ZAP70: variants seen among roughly 807,000 people sequenced by gnomAD.
ZAP70 encodes zeta chain of T cell receptor associated protein kinase 70, also known as tyrosine-protein kinase ZAP-70.
In ZAP70, 27 loss-of-function variants were observed where a neutral mutation model predicts 65.8. The ratio of observed to expected loss-of-function variants is 0.41; its 90% confidence interval spans 0.30 to 0.57. ZAP70 has a LOEUF of 0.57. ZAP70 is among the 20% of genes least tolerant of loss of function. The probability of loss-of-function intolerance (pLI) is 0.28; values close to 1 mark genes in which losing one functional copy is unlikely to be tolerated. For synonymous variants in ZAP70, 363 were observed against 360.8 expected, an observed-to-expected ratio of 1.01 and a Z score of -0.07; for missense variants, 696 against 870.5, an observed-to-expected ratio of 0.80 and a Z score of 2.52.
At position 97,724,361 on chromosome 2, in the gene ZAP70, G is replaced by A. The variant is rs559342309; in HGVS notation, c.325G>A (p.Glu109Lys). 3.2e-6 allele frequency: 5 copies of A among 1,549,170 alleles called. No individual in the cohort carries two copies. Among genetic ancestry groups the A allele is most frequent in the African/African-American group, 2.7e-5 (2 of 73,946 alleles). The change falls in exon 3 of 14, where the codon GAG becomes AAG. Residue 109 changes from glutamate (E) to lysine (K), a missense_variant. Glu to Lys is a moderately conservative substitution (Grantham distance 56). Coordinates refer to ENST00000264972, the MANE Select transcript of ZAP70 (RefSeq NM_001079.4). ...GCCGTGCAACCGGCCGTCGGGCCTC[G>A]AGCCGCAGCCGGGGGTCTTCGACTG... ...RKPCNRPSGL[E>K]PQPGVFDCLR...
intron 4 of ZAP70, among the ~76,000 whole-genome samples, chr2:97,726,593 C>T (rs1214832564): frequency 6.6e-6 from 1 of 152,272 alleles, no homozygotes; most frequent in African/African-American, 2.4e-5. Context: ...TGATTTTCCT[C>T]ACCCATGTGA....
chr2:97,722,873 T>A (rs1677214380), intron 2 of ZAP70, among the ~76,000 whole-genome samples: 1 of 152,230 alleles, frequency 6.6e-6, no homozygotes, highest in Non-Finnish European at 1.5e-5. Context: ...TCAGTTCCCA[T>A]CACTCCTAAA....
At chr2:97,733,698 C>T in intron 8 of ZAP70, 103 bp downstream of exon 8, 1 of 1,464,840 alleles carries the variant, frequency 6.8e-7, no homozygotes, top group Non-Finnish European at 9.5e-7. Flanking sequence ...GTGGGCCGGG[C>T]CAGGCTGTGG....
chr2:97,731,988 G>A lies in ZAP70; in HGVS notation c.564-895G>A, dbSNP rs1267180935. On this transcript the variant is annotated intron_variant, in intron 4 of 13. Transcript: ENST00000264972. This position sits in a 1 kb window ranked among gnomAD's most constrained non-coding sequence, Gnocchi z 4.0. Reference sequence around the variant, plus strand: ...CAGTGACCCCAGACAAAACTGTTGTGTGGGGGATGCTGACTGGTGTCACTG... The same window carrying A: ...CAGTGACCCCAGACAAAACTGTTGTATGGGGGATGCTGACTGGTGTCACTG... Among the ~76,000 whole-genome samples, 1 of 152,190 alleles carries A rather than the reference G, an allele frequency of 6.6e-6. No individual in the cohort carries two copies. The highest frequency in any genetic ancestry group is 2.4e-5 in the African/African-American group (1 of 41,438).
chr2:97,722,079 G>A (rs989375145), intron 2 of ZAP70, among the ~76,000 whole-genome samples: 1 of 151,222 alleles, frequency 6.6e-6, no homozygotes, highest in Non-Finnish European at 1.5e-5. Context: ...CACCACGCTC[G>A]GCCTATTTTA....
chr2:97,724,851 T>C (rs931768350), intron 3 of ZAP70: 85 of 1,522,320 alleles, frequency 5.6e-5, no homozygotes, highest in Non-Finnish European at 7.0e-5. Flanking sequence ...ACTACCTGAA[T>C]TAGGTCTTCA....
intron 2 of ZAP70, among the ~76,000 whole-genome samples, chr2:97,717,141 C>T (rs1008464603): frequency 2.0e-4 from 30 of 152,164 alleles, no homozygotes; most frequent in Non-Finnish European, 4.3e-4. Flanking sequence ...GGCCCGAGCA[C>T]AGCTGGGGGA....
chr2:97,732,027 G>A (rs1299372429), intron 4 of ZAP70, among the ~76,000 whole-genome samples: 2 of 152,130 alleles, frequency 1.3e-5, no homozygotes, highest in African/African-American at 4.8e-5. Flanking sequence ...GGCTTCATGC[G>A]AGGGTGCCGG....
intron 2 of ZAP70, among the ~76,000 whole-genome samples, chr2:97,721,787 T>C (rs1268298311): frequency 1.4e-5 from 2 of 147,136 alleles, no homozygotes; most frequent in Admixed American, 6.8e-5. Flanking sequence ...TATTTTATCT[T>C]TTTTTTTTTT....
At chr2:97,741,409 A>T (rs72815666), downstream of ZAP70, among the ~76,000 whole-genome samples, 80 of 151,828 alleles carry the variant, frequency 5.3e-4, no homozygotes, top group Non-Finnish European at 9.0e-4. Flanking sequence ...CCCACCGGTG[A>T]TGTCCCCTAG....
chr2:97,734,358 T>G, intron 8 of ZAP70, 162 bp from the exon 9 acceptor site: 7 of 1,434,936 alleles, frequency 4.9e-6, no homozygotes, highest in Middle Eastern at 2.6e-4. Context: ...TGTATGCCAG[T>G]GTGTGCGTGT....
Position 97,736,670 on chromosome 2 carries a change from A to C in ZAP70, c.1290-803A>C, listed in dbSNP as rs116607443. Among the ~76,000 whole-genome samples, 2,072 of 152,262 alleles carry C rather than the reference A, an allele frequency of 0.014. 43 individuals are homozygous for C. The highest frequency in any genetic ancestry group is 0.047 in the African/African-American group (1,952 of 41,520). ...AGGTGCAGTGAGCAGGGAGGTTTGAACAAACTGAGGGAGGCCGCCATGCCC... is the reference window on the plus strand; with the variant it reads ...AGGTGCAGTGAGCAGGGAGGTTTGACCAAACTGAGGGAGGCCGCCATGCCC... On this transcript the variant is annotated intron_variant, in intron 10 of 13. Coordinates refer to ENST00000264972, the MANE Select transcript of ZAP70 (RefSeq NM_001079.4). The surrounding 1 kb of genome is among the most constrained non-coding windows in gnomAD (Gnocchi z 4.0).
intron 13 of ZAP70, 181 bp downstream of exon 13, chr2:97,738,288 T>C (rs1348027746): frequency 1.5e-6 from 1 of 669,982 alleles, no homozygotes; most frequent in East Asian, 2.7e-5. Context: ...CAGGGTTTGC[T>C]GTCCTGCTCC....
chr2:97,739,527 G>A lies in ZAP70; in HGVS notation c.*29G>A, dbSNP rs11678558. 0.32 allele frequency: 514,825 copies of A among 1,604,228 alleles called. 91,349 individuals are homozygous for A. The highest frequency in any genetic ancestry group is 0.36 in the Non-Finnish European group (424,127 of 1,176,030). On this transcript the variant is annotated 3_prime_UTR_variant, in exon 14 of 14. Transcript: ENST00000264972. ...CCCGCTGCCCAGGGGAGCCCTCCAC[G>A]CCGGCTCTTCCCCACCCTCAGCCCC...
At chr2:97,735,126 TG>T in intron 9 of ZAP70, 123 bp from the exon 10 acceptor site, 2 of 1,206,602 alleles carry the variant, frequency 1.7e-6, no homozygotes, top group Non-Finnish European at 2.3e-6. Context: ...GGTCCCAGCC[TG>T]GGTGGCGACT....
chr2:97,723,871 TG>T, intron 2 of ZAP70, 144 bp from the exon 3 acceptor site: 1 of 885,126 alleles, frequency 1.1e-6, no homozygotes, highest in Non-Finnish European at 1.7e-6. Flanking sequence ...AGGTTGACTC[TG>T]GCACAGAGCA....
Position 97,724,722 on chromosome 2 carries a change from G to A in ZAP70, c.402+284G>A, listed in dbSNP as rs754511997. ...ACTGGGCCGGGCGAAGGCGAGGCTT[G>A]GAATGGGGGCGGGGCTGAGAGGAGG... is the stretch of plus-strand genomic sequence containing the variant. On this transcript the variant is annotated intron_variant, in intron 3 of 13. Transcript: ENST00000264972. 4 of 1,513,960 alleles carry A rather than the reference G, an allele frequency of 2.6e-6. No individual in the cohort carries two copies. In the South Asian group the frequency reaches 4.8e-5, roughly 18 times the overall value. 93.8% of individuals were successfully genotyped at this position (1,513,960 alleles called of 1,614,324 possible). A position where few individuals can be genotyped will look rare whatever the true frequency, so the allele number is the denominator to read the frequency against.
intron 2 of ZAP70, among the ~76,000 whole-genome samples, chr2:97,716,493 A>G (rs1284019600): frequency 2.6e-5 from 4 of 152,190 alleles, no homozygotes; most frequent in Non-Finnish European, 2.9e-5. Flanking sequence ...GGTCAGGGCT[A>G]GAGAGAGAAG....
At position 97,715,135 on chromosome 2, in the gene ZAP70, TCCGGGGCTG is replaced by T. The variant is rs1219178045; in HGVS notation, c.-22+1143_-22+1151del. On this transcript the variant is annotated intron_variant, in intron 2 of 13. Transcript: ENST00000264972. This position sits in a 1 kb window ranked among gnomAD's most constrained non-coding sequence, Gnocchi z 4.1. ...TGGACTCCACAGTTCCTGTATGCTC[TCCGGGGCTG>T]CAGCACCCAGACCACCCCGTGCTGA... Among the ~76,000 whole-genome samples the T allele has an allele frequency of 1.3e-5, 2 of 152,196 alleles. No individual in the cohort carries two copies. Among genetic ancestry groups the T allele is most frequent in the Admixed American group, 1.3e-4 (2 of 15,282 alleles).
Sources: gnomAD v4.1 joint callset for allele counts (sites outside exome capture counted in the v4.1 genomes callset) on GRCh38, gnomAD v4.1.1 for gene constraint, Gnocchi (gnomAD v3.1) non-coding constraint, MANE v1.5 for transcripts, NCBI Gene and HGNC (gene_info 2026-07-23, HGNC 2026-07-21) for gene names.